Variants in ASH1L observed in about 807,000 individuals in gnomAD.
ASH1L encodes histone-lysine N-methyltransferase ASH1L.
In ASH1L, 23 loss-of-function variants were observed where a neutral mutation model predicts 269.0. The ratio of observed to expected loss-of-function variants is 0.09; its 90% confidence interval spans 0.06 to 0.12. The LOEUF (loss-of-function observed/expected upper bound fraction) is 0.12, where lower values mean the gene tolerates loss of function less well. Ranked by LOEUF, ASH1L falls within the 10% of genes least tolerant of loss-of-function variation. ASH1L has a pLI of 1.00. For synonymous variants in ASH1L, 1,187 were observed against 1,253.5 expected (o/e 0.95, Z 1.12); for missense variants, 2,912 against 3,567.8 (o/e 0.82, Z 4.68).
Position 155,467,659 on chromosome 1 carries a change from G to T in ASH1L, c.4985-7761C>A, listed in dbSNP as rs879603316. ...CTTGGTCCAAGCTACACATTCCAGTGTCCCTAATCTGGTTTCATTTATTTT... is the reference window on the plus strand; with the variant it reads ...CTTGGTCCAAGCTACACATTCCAGTTTCCCTAATCTGGTTTCATTTATTTT... On this transcript the variant is annotated intron_variant, in intron 3 of 27. Transcript: ENST00000392403. Among the ~76,000 whole-genome samples, 58 of 152,156 alleles carry T rather than the reference G, an allele frequency of 3.8e-4. 1 individual carries two copies. Among genetic ancestry groups the T allele is most frequent in the Admixed American group, 1.3e-3 (20 of 15,266 alleles).
intron 18 of ASH1L, 27 bp downstream of exon 18, chr1:155,349,514 CA>C: frequency 6.2e-7 from 1 of 1,614,000 alleles, no homozygotes; most frequent in South Asian, 1.1e-5. Context: ...TTTAAAAACT[CA>C]GATGATTCCC....
chr1:155,528,435 C>CTT (rs55750350), intron 1 of ASH1L, among the ~76,000 whole-genome samples: 6 of 144,394 alleles, frequency 4.2e-5, no homozygotes, highest in South Asian at 2.2e-4. Flanking sequence ...ATTGCAATAG[C>CTT]TTTTTTTTTT....
intron 4 of ASH1L, among the ~76,000 whole-genome samples, chr1:155,448,712 G>T (rs1304711644): frequency 6.6e-6 from 1 of 152,004 alleles, no homozygotes; most frequent in Admixed American, 6.6e-5. Flanking sequence ...GGTCAGGCTG[G>T]TCTCAAACTC....
rs181309331 is a variant in ASH1L, at chr1:155,356,165, G to A, written c.7055+1151C>T. On this transcript the variant is annotated intron_variant, in intron 15 of 27. Coordinates refer to ENST00000392403, the MANE Select transcript of ASH1L (RefSeq NM_018489.3). ...TTGGCCAGGCTGGCCTCAAACTCCC[G>A]ACCTCAGGTGATCCGCCTGCCTTGG... 3.3e-4 allele frequency among the ~76,000 whole-genome samples: 50 copies of A among 151,912 alleles called. 1 individual carries two copies. The East Asian group carries it at 4.3e-3, about 13-fold the overall frequency.
chr1:155,352,297 C>CAAAAAAAAAAAAAA (rs1281473342), intron 17 of ASH1L, among the ~76,000 whole-genome samples: 1 of 28,114 alleles, frequency 3.6e-5, no homozygotes, highest in Non-Finnish European at 7.6e-5. Context: ...ACCTCCATCT[C>CAAAAAAAAAAAAAA]AAAAAAAAAA....
intron 12 of ASH1L, among the ~76,000 whole-genome samples, chr1:155,361,976 CAT>C (rs1185186234): frequency 2.0e-5 from 3 of 151,846 alleles, no homozygotes; most frequent in Non-Finnish European, 2.9e-5. Flanking sequence ...ATCTCTATCA[CAT>C]GAGTGCCTCT....
intron 6 of ASH1L, among the ~76,000 whole-genome samples, chr1:155,411,401 T>C (rs1381573316): frequency 6.6e-6 from 1 of 151,300 alleles, no homozygotes; most frequent in Non-Finnish European, 1.5e-5. Flanking sequence ...TCAAATCTTT[T>C]GTATGACCAG....
intron 2 of ASH1L, among the ~76,000 whole-genome samples, chr1:155,509,321 G>A (rs916434767): frequency 6.6e-6 from 1 of 152,026 alleles, no homozygotes; most frequent in Non-Finnish European, 1.5e-5. Context: ...TCACACCACC[G>A]CACCACAGCC....
intron 22 of ASH1L, 115 bp downstream of exon 22, chr1:155,344,068 A>G: frequency 1.1e-6 from 1 of 879,402 alleles, no homozygotes; most frequent in South Asian, 1.7e-5. Flanking sequence ...AAAAACTTAT[A>G]TTCTATTGCT....
In ASH1L at chr1:155,336,390, TACACAC is replaced by T. The variant is rs1197909936; in HGVS notation, c.*1264_*1269del. ...ACACACATATATATATACACACACA[TACACAC>T]ATATATATACACACACACACACAAC... On this transcript the variant is annotated 3_prime_UTR_variant, in exon 28 of 28. Transcript: ENST00000392403. The T allele has an allele frequency of 2.3e-4, 34 of 150,712 alleles. No individual in the cohort carries two copies. The highest frequency in any genetic ancestry group is 3.7e-4 in the Non-Finnish European group (25 of 67,572). 9.3% of individuals were successfully genotyped at this position (150,712 alleles called of 1,614,324 possible). A position where few individuals can be genotyped will look rare whatever the true frequency, so the allele number is the denominator to read the frequency against.
In ASH1L at chr1:155,430,553, A is replaced by T. The variant is rs1661520142; in HGVS notation, c.5828+7774T>A. The stretch of plus-strand genomic sequence containing the variant: ...GGGCTTAAAGTTCTCACAGTAGTAA[A>T]TTTTTAATCTCTTATATACACTTTA... On this transcript the variant is annotated intron_variant, in intron 5 of 27. Transcript: ENST00000392403. Among the ~76,000 whole-genome samples the T allele has an allele frequency of 2.0e-5, 3 of 152,164 alleles. No homozygotes were observed. In the South Asian group the frequency reaches 6.2e-4, roughly 32 times the overall value.
Position 155,347,649 on chromosome 1 carries a change from C to T in ASH1L, c.7803+7G>A, listed in dbSNP as rs1653476437. 1.2e-6 allele frequency: 2 copies of T among 1,613,406 alleles called. No homozygotes were observed. Among genetic ancestry groups the T allele is most frequent in the Admixed American group, 1.7e-5 (1 of 59,998 alleles). ...ACCAAGCTTCTGCTTCATTTCCTGA[C>T]CCTCACCATGCACTTGTCACACTGG... On this transcript the variant is annotated splice_region_variant and intron_variant, in intron 20 of 27. Transcript: ENST00000392403.
intron 15 of ASH1L, among the ~76,000 whole-genome samples, chr1:155,355,997 G>A (rs1482043117): frequency 6.6e-6 from 1 of 151,268 alleles, no homozygotes; most frequent in Non-Finnish European, 1.5e-5. Flanking sequence ...GAGTGCAATG[G>A]CGTGATCTTG....
At chr1:155,432,174 C>G (rs1661661750) in intron 5 of ASH1L, among the ~76,000 whole-genome samples, 1 of 152,158 alleles carries the variant, frequency 6.6e-6, no homozygotes, top group African/African-American at 2.4e-5. Context: ...GTTTTGACCA[C>G]AAAAGCTTTC....
intron 6 of ASH1L, among the ~76,000 whole-genome samples, chr1:155,397,312 T>C (rs567510776): frequency 0.052 from 7,923 of 151,550 alleles, 697 homozygotes; most frequent in African/African-American, 0.18. Context: ...GCCTGGCCAA[T>C]GTGATAAAAC....
At position 155,344,238 on chromosome 1, in the gene ASH1L, T is replaced by A. The variant is rs1653042960; in HGVS notation, c.7926A>T (p.Gln2642His). Residue 2642 changes from glutamine to histidine, a missense_variant, in exon 22 of 28, where the codon CAA (glutamine) becomes CAT (histidine). Coordinates refer to ENST00000392403, the MANE Select transcript of ASH1L (RefSeq NM_018489.3). ...AACAGATGAAGTAGACACAGCCAGG[T>A]TGGGCATAGTGGGGCCGAGGGATCA... ...VPMIPRPHYA[Q>H]PGCVYFICLL... is the part of the protein sequence containing the mutation. 1.2e-6 allele frequency: 2 copies of A among 1,614,036 alleles called. No homozygotes were observed. Among genetic ancestry groups the A allele is most frequent in the Non-Finnish European group, 1.7e-6 (2 of 1,180,024 alleles).
Position 155,481,510 on chromosome 1 carries a change from C to T in ASH1L, c.1360G>A (p.Glu454Lys), listed in dbSNP as rs1553266149. Residue 454 changes from glutamate (E) to lysine (K), a missense_variant, in exon 3 of 28, where the codon GAA (glutamate) becomes AAA (lysine). Glu to Lys is a moderately conservative substitution (Grantham distance 56, BLOSUM62 1). This residue lies in a region of ASH1L where 715 missense variants were observed against 721.0 expected (regional missense o/e 0.99). Transcript: ENST00000392403. ...CTGGTGGCACTATCTTTCAGGGATT[C>T]AGAAAGTTCCTGACTTTCCTGATTA... ...INNQESQELSESLKDSATSKT... is the reference protein window; with the variant it reads ...INNQESQELSKSLKDSATSKT... The T allele has an allele frequency of 6.2e-7, 1 of 1,613,984 alleles. No homozygotes were observed. Among genetic ancestry groups the T allele is most frequent in the Non-Finnish European group, 8.5e-7 (1 of 1,180,012 alleles).
intron 1 of ASH1L, among the ~76,000 whole-genome samples, chr1:155,535,181 C>T (rs1458333434): frequency 6.8e-6 from 1 of 147,506 alleles, no homozygotes; most frequent in African/African-American, 2.5e-5. Flanking sequence ...AATAGTAAAA[C>T]TCCATTTAAA....
chr1:155,447,397 T>C (rs1663117893), intron 4 of ASH1L, among the ~76,000 whole-genome samples: 1 of 152,174 alleles, frequency 6.6e-6, no homozygotes, highest in African/African-American at 2.4e-5. Flanking sequence ...GACTGGCTAA[T>C]TTTTATATTT....
Sources: allele counts gnomAD v4.1 joint callset (sites outside exome capture counted in the v4.1 genomes callset), GRCh38; gene constraint gnomAD v4.1.1; regional missense constraint gnomAD v4.1.1; transcripts MANE v1.5; gene names NCBI Gene and HGNC (gene_info 2026-07-23, HGNC 2026-07-21).